KRT73: variants seen among roughly 807,000 people sequenced by gnomAD.
The protein encoded by KRT73 is keratin, type II cytoskeletal 73.
A neutral mutation model predicts 47.2 loss-of-function variants in KRT73; 44 were observed. The observed-to-expected ratio is 0.93, with a 90% CI of 0.73 to 1.20. KRT73 has a LOEUF of 1.20. Ranked by LOEUF, KRT73 falls within the 50% of genes most tolerant of loss-of-function variation. KRT73 has a pLI of 0.00. For missense variants in KRT73, 713 were observed against 704.5 expected, an observed-to-expected ratio of 1.01 and a Z score of -0.14; for synonymous variants, 285 against 291.3, an observed-to-expected ratio of 0.98 and a Z score of 0.22.
At chr12:52,614,795 C>G (rs915878288) in intron 3 of KRT73, 121 bp from the exon 4 acceptor site, 6 of 726,082 alleles carry the variant, frequency 8.3e-6, no homozygotes, top group Non-Finnish European at 6.7e-6. Context: ...ATCCAAGGGG[C>G]AGGAACCGGC....
At chr12:52,630,653 T>A in the KRT73 span, among the ~76,000 whole-genome samples, 2 of 152,084 alleles carry the variant, frequency 1.3e-5, no homozygotes. Context: ...CTCTCCCCCC[T>A]CCAAAGGCTA....
At chr12:52,629,047 G>A in the KRT73 span, among the ~76,000 whole-genome samples, 1 of 152,164 alleles carries the variant, frequency 6.6e-6, no homozygotes, top group Non-Finnish European at 1.5e-5. Flanking sequence ...TTCCTAGCTT[G>A]AGGTCTGGAC....
chr12:52,624,288 T>G, the KRT73 span, among the ~76,000 whole-genome samples: 1 of 152,080 alleles, frequency 6.6e-6, no homozygotes, highest in Non-Finnish European at 1.5e-5. Context: ...ACTAAAATAT[T>G]AGATAGACAA....
chr12:52,618,011 G>C, intron 1 of KRT73, 67 bp downstream of exon 1: 1 of 1,502,244 alleles, frequency 6.7e-7, no homozygotes, highest in Non-Finnish European at 9.0e-7. Context: ...CCACAAATTA[G>C]GGCAGTGGCT....
In KRT73 at chr12:52,616,232, C is replaced by G; in HGVS notation, c.596G>C (p.Gly199Ala). 1 of 1,614,196 alleles carries G rather than the reference C, an allele frequency of 6.2e-7. No homozygotes were observed. Among genetic ancestry groups the G allele is most frequent in the Non-Finnish European group, 8.5e-7 (1 of 1,180,040 alleles). ...CTCCGAGTCCAGCCTCACCCTGTCC[C>G]CAGACAGCGTCTCCAGCTGCTTCCG... ...NLRKQLETLS[G>A]DRVRLDSELR... The change falls in exon 2 of 9, where the codon GGG becomes GCG. Residue 199 changes from glycine (G) to alanine (A), a missense_variant. Physicochemically the swap from Gly to Ala is moderately conservative, Grantham distance 60 (BLOSUM62 0). Transcript: ENST00000305748.
intron 1 of KRT73, among the ~76,000 whole-genome samples, chr12:52,617,067 C>A (rs1285387638): frequency 6.6e-6 from 1 of 152,168 alleles, no homozygotes; most frequent in Non-Finnish European, 1.5e-5. Flanking sequence ...GCCCAGCCCT[C>A]CTGGCTTCCT....
the KRT73 span, among the ~76,000 whole-genome samples, chr12:52,629,003 C>G: frequency 6.6e-6 from 1 of 152,164 alleles, no homozygotes; most frequent in South Asian, 2.1e-4. Context: ...AACTTGACTC[C>G]TCATCTCCCA....
intron 5 of KRT73, chr12:52,612,763 C>T (rs1427477229): frequency 6.6e-6 from 1 of 152,302 alleles, no homozygotes; most frequent in East Asian, 1.9e-4. Flanking sequence ...TGCCTAAATG[C>T]AGTGGAATTT....
At position 52,616,260 on chromosome 12, in the gene KRT73, G is replaced by T. The variant is rs771886323; in HGVS notation, c.568C>A (p.Leu190Met). The change falls in exon 2 of 9, where the codon CTG (leucine) becomes ATG (methionine). Residue 190 changes from leucine (L) to methionine (M), a missense_variant. By Grantham distance (15) the Leu-to-Met change is conservative. Transcript: ENST00000305748. ...EPILEGYISN[L>M]RKQLETLSGD... Reference sequence around the variant, plus strand: ...GACAGCGTCTCCAGCTGCTTCCGCAGGTTGCTGATGTAGCCCTCAAGGATG... The same window carrying T: ...GACAGCGTCTCCAGCTGCTTCCGCATGTTGCTGATGTAGCCCTCAAGGATG... The T allele has an allele frequency of 1.2e-6, 2 of 1,614,074 alleles. No homozygotes were observed. The highest frequency in any genetic ancestry group is 1.7e-5 in the Admixed American group (1 of 60,018).
chr12:52,623,225 G>A (rs993939405), upstream of KRT73, among the ~76,000 whole-genome samples: 5 of 152,082 alleles, frequency 3.3e-5, no homozygotes, highest in South Asian at 2.1e-4. Flanking sequence ...AAACCTGAAA[G>A]CAGCTAAAGA....
intron 7 of KRT73, among the ~76,000 whole-genome samples, chr12:52,609,651 T>A (rs1305084661): frequency 2.0e-5 from 3 of 152,192 alleles, no homozygotes; most frequent in Non-Finnish European, 4.4e-5. Flanking sequence ...CTGTATGATT[T>A]TGGGGCAAGT....
intron 5 of KRT73, 44 bp from the exon 6 acceptor site, chr12:52,611,373 G>A: frequency 6.2e-7 from 1 of 1,612,030 alleles, no homozygotes. Context: ...CTCAGGGCTT[G>A]GCTGGGATCA....
intron 4 of KRT73, chr12:52,614,151 G>A (rs868789803): frequency 3.3e-5 from 12 of 368,406 alleles, no homozygotes; most frequent in Non-Finnish European, 4.9e-5. Flanking sequence ...ACACTAAGGG[G>A]CACAGGAGCC....
intron 5 of KRT73, among the ~76,000 whole-genome samples, chr12:52,612,068 A>G (rs759368756): frequency 6.6e-6 from 1 of 152,192 alleles, no homozygotes; most frequent in Non-Finnish European, 1.5e-5. Flanking sequence ...CATAGTGCCT[A>G]GTTGGTGCTC....
chr12:52,623,010 A>G (rs1164115850), upstream of KRT73, among the ~76,000 whole-genome samples: 1 of 152,180 alleles, frequency 6.6e-6, no homozygotes, highest in Non-Finnish European at 1.5e-5. Context: ...AAAAGATCTA[A>G]CAGTCAAGTC....
chr12:52,616,478 T>C (rs1940816896), intron 1 of KRT73, 98 bp from the exon 2 acceptor site: 1 of 1,455,582 alleles, frequency 6.9e-7, no homozygotes, highest in Non-Finnish European at 9.4e-7. Context: ...ACATTAGCTT[T>C]AAAAATGAGC....
the KRT73 span, among the ~76,000 whole-genome samples, chr12:52,624,968 T>A: frequency 2.0e-5 from 3 of 152,178 alleles, no homozygotes; most frequent in Admixed American, 1.3e-4. Flanking sequence ...AATCTTGATT[T>A]AAGTTTCATA....
chr12:52,614,415 G>C (rs745566150), intron 4 of KRT73, 164 bp downstream of exon 4: 16 of 569,194 alleles, frequency 2.8e-5, no homozygotes, highest in Non-Finnish European at 4.9e-5. Context: ...GATGGATGGG[G>C]CACCAGGATA....
upstream of KRT73, among the ~76,000 whole-genome samples, chr12:52,620,839 T>G (rs1940893775): frequency 6.6e-6 from 1 of 152,206 alleles, no homozygotes; most frequent in South Asian, 2.1e-4. Flanking sequence ...CAACAGCATC[T>G]ATTATGTCAA....
Sources: allele counts gnomAD v4.1 joint callset (sites outside exome capture counted in the v4.1 genomes callset), GRCh38; gene constraint gnomAD v4.1.1; transcripts MANE v1.5; gene names NCBI Gene and HGNC (gene_info 2026-07-23, HGNC 2026-07-21).